Variants in PCDHGA9 observed in about 807,000 individuals in gnomAD.
PCDHGA9 encodes the protein protocadherin gamma-A9.
PCDHGA9 carries 37 observed loss-of-function variants against 62.5 expected under a neutral mutation model. The ratio of observed to expected loss-of-function variants is 0.59; its 90% CI spans 0.46 to 0.78. PCDHGA9 has a LOEUF of 0.78. Ranked by LOEUF, PCDHGA9 falls within the 30% of genes least tolerant of loss-of-function variation. PCDHGA9 has a pLI of 0.00. For missense variants in PCDHGA9, 1,138 were observed against 1,166.2 expected (o/e 0.98, Z 0.35); for synonymous variants, 459 against 484.6 (o/e 0.95, Z 0.69).
chr5:141,431,389 G>T lies in PCDHGA9; in HGVS notation c.2424+26013G>T, dbSNP rs1213370298. 1 of 1,613,876 alleles carries T rather than the reference G, an allele frequency of 6.2e-7. No homozygotes were observed. Among genetic ancestry groups the T allele is most frequent in the Admixed American group, 1.7e-5 (1 of 60,028 alleles). On this transcript the variant is annotated intron_variant, in intron 1 of 3. Transcript: ENST00000573521. This position sits in a 1 kb window ranked among gnomAD's most constrained non-coding sequence, Gnocchi z 4.8. ...GCGAAGAAAAGGCTGCTCACCACCT[G>T]GTCCTTACGGCCTCCGACGGGGGCG...
rs138408376 is a variant in PCDHGA9 at position 141,421,859 on chromosome 5, T to C, written c.2424+16483T>C. The stretch of plus-strand genomic sequence containing the variant: ...CGAGAGAAAGAGGCTGCTCACCTGC[T>C]CCTCCTCACAGCTTTAGATGGAGGC... On this transcript the variant is annotated intron_variant, in intron 1 of 3. Coordinates refer to ENST00000573521, the MANE Select transcript of PCDHGA9 (RefSeq NM_018921.3). The C allele has an allele frequency of 1.7e-3, 2,741 of 1,613,710 alleles. 8 individuals carry two copies. Among genetic ancestry groups the C allele is most frequent in the Middle Eastern group, 8.1e-3 (49 of 6,062 alleles).
chr5:141,423,138 C>A (rs767107885), intron 1 of PCDHGA9: 3 of 1,613,606 alleles, frequency 1.9e-6, no homozygotes, highest in Non-Finnish European at 2.5e-6. Context: ...TGGACAGAGA[C>A]GCGCTCAAGC....
At chr5:141,419,464 C>T (rs199965876) in intron 1 of PCDHGA9, 35 of 1,612,542 alleles carry the variant, frequency 2.2e-5, no homozygotes, top group Middle Eastern at 1.7e-4. Context: ...TGCAGGCCCG[C>T]GACCAGGGCT....
chr5:141,506,935 G>A (rs1375246477), intron 3 of PCDHGA9, among the ~76,000 whole-genome samples: 3 of 152,116 alleles, frequency 2.0e-5, no homozygotes, highest in African/African-American at 7.2e-5. Context: ...AACTTTAGGG[G>A]CCTCCTGTCA....
intron 1 of PCDHGA9, chr5:141,414,732 T>G: frequency 6.2e-7 from 1 of 1,614,186 alleles, no homozygotes; most frequent in Non-Finnish European, 8.5e-7. Context: ...GCGTCCTGTA[T>G]GCACTCAGAT....
chr5:141,487,933 A>ACCCTGTG lies in PCDHGA9; in HGVS notation c.2425-6873_2425-6872insCCTGTGC. 1.6e-6 allele frequency: 1 copy of ACCCTGTG among 612,004 alleles called. No individual in the cohort carries two copies. The highest frequency in any genetic ancestry group is 1.8e-5 in the African/African-American group (1 of 54,216). The allele number at this position is 612,004 out of a possible 1,614,324, so 37.9% of individuals were successfully genotyped here. On this transcript the variant is annotated intron_variant, in intron 1 of 3. Coordinates refer to ENST00000573521, the MANE Select transcript of PCDHGA9 (RefSeq NM_018921.3). The surrounding 1 kb of genome is among the most constrained non-coding windows in gnomAD (Gnocchi z 5.0). ...CACAGGAGGCTACAGTGCACAGGGT[A>ACCCTGTG]CAGTGCACCAGGCAGTCACTTGGAC... is the stretch of plus-strand genomic sequence containing the variant.
intron 1 of PCDHGA9, among the ~76,000 whole-genome samples, chr5:141,461,604 T>G (rs1166575574): frequency 6.6e-6 from 1 of 152,228 alleles, no homozygotes; most frequent in Non-Finnish European, 1.5e-5. Context: ...TATAATTTAG[T>G]TCAAAGTATT....
At chr5:141,473,212 C>G (rs1311953997) in intron 1 of PCDHGA9, among the ~76,000 whole-genome samples, 1 of 152,012 alleles carries the variant, frequency 6.6e-6, no homozygotes, top group Non-Finnish European at 1.5e-5. Flanking sequence ...AAAATGCTTA[C>G]TTCCAGGGAG....
intron 1 of PCDHGA9, chr5:141,412,671 A>T (rs1335241581): frequency 6.6e-6 from 1 of 152,290 alleles, no homozygotes; most frequent in Non-Finnish European, 1.5e-5. Flanking sequence ...AATATGACCT[A>T]AAATAAGTAT....
intron 1 of PCDHGA9, chr5:141,418,063 G>C (rs2015825): frequency 1.9e-6 from 3 of 1,613,754 alleles, no homozygotes; most frequent in Admixed American, 1.7e-5. Flanking sequence ...AGCTGCGAGT[G>C]AGCGCGGAGA....
chr5:141,433,223 T>C lies in PCDHGA9; in HGVS notation c.2424+27847T>C, dbSNP rs2097577369. On this transcript the variant is annotated intron_variant, in intron 1 of 3. Coordinates refer to ENST00000573521, the MANE Select transcript of PCDHGA9 (RefSeq NM_018921.3). The stretch of plus-strand genomic sequence containing the variant: ...AATCTTCTTTCTTTTTTTTTTTTAA[T>C]TGCTCTGTCTCCCAAGCTGGAATGC... The C allele has an allele frequency of 4.6e-6, 7 of 1,525,952 alleles. No individual in the cohort carries two copies. In the East Asian group the frequency reaches 1.6e-4, roughly 34 times the overall value. The allele number at this position is 1,525,952 out of a possible 1,614,324, so 94.5% of individuals were successfully genotyped here. A position where few individuals can be genotyped will look rare whatever the true frequency, so the allele number is the denominator to read the frequency against.
chr5:141,474,499 C>T (rs1480109147), intron 1 of PCDHGA9, among the ~76,000 whole-genome samples: 1 of 152,198 alleles, frequency 6.6e-6, no homozygotes, highest in Non-Finnish European at 1.5e-5. Context: ...TCTTCTAATG[C>T]CTATCAGCCC....
At position 141,489,503 on chromosome 5, in the gene PCDHGA9, A is replaced by T; in HGVS notation, c.2425-5304A>T. 1 of 1,614,092 alleles carries T rather than the reference A, an allele frequency of 6.2e-7. No homozygotes were observed. ...ATGAGTGGTGCCCTGGCAGTGAATC[A>T]AAAGATTGACCGAGAAAGCCTATGT... is the stretch of plus-strand genomic sequence containing the variant. On this transcript the variant is annotated intron_variant, in intron 1 of 3. Transcript: ENST00000573521. The surrounding 1 kb of genome is among the most constrained non-coding windows in gnomAD (Gnocchi z 4.5).
rs986276637 is a variant in PCDHGA9, at chr5:141,487,728, C to A, written c.2425-7079C>A. The A allele has an allele frequency of 3.2e-6, 5 of 1,570,444 alleles. No individual in the cohort carries two copies. The highest frequency in any genetic ancestry group is 2.3e-5 in the East Asian group (1 of 42,866). On this transcript the variant is annotated intron_variant, in intron 1 of 3. Transcript: ENST00000573521. The surrounding 1 kb of genome is among the most constrained non-coding windows in gnomAD (Gnocchi z 5.0). ...TCAGTAAGTGCCCATAGTGATGTCACCATTTTTGTAAGAGGTAACTATGTG... is the reference window on the plus strand; with the variant it reads ...TCAGTAAGTGCCCATAGTGATGTCAACATTTTTGTAAGAGGTAACTATGTG...
chr5:141,449,930 A>G (rs1353778264), intron 1 of PCDHGA9, among the ~76,000 whole-genome samples: 1 of 151,614 alleles, frequency 6.6e-6, no homozygotes, highest in East Asian at 1.9e-4. Context: ...ACCATACCTT[A>G]TAGTATATTT....
rs767577725 is a variant in PCDHGA9, at chr5:141,485,642, G to C, written c.2425-9165G>C. On this transcript the variant is annotated intron_variant, in intron 1 of 3. Transcript: ENST00000573521. This position sits in a 1 kb window ranked among gnomAD's most constrained non-coding sequence, Gnocchi z 5.7. ...AGGACAGCGTTTCCCGTTGGAAAAGGCTCAGGATGCAGATGTGGGGAGCAA... is the reference window on the plus strand; with the variant it reads ...AGGACAGCGTTTCCCGTTGGAAAAGCCTCAGGATGCAGATGTGGGGAGCAA... 2 of 1,612,044 alleles carry C rather than the reference G, an allele frequency of 1.2e-6. No individual in the cohort carries two copies. The highest frequency in any genetic ancestry group is 8.5e-7 in the Non-Finnish European group (1 of 1,178,592).
In PCDHGA9 at chr5:141,403,406, T is replaced by A; in HGVS notation, c.454T>A (p.Tyr152Asn). The change falls in exon 1 of 4, where the codon TAT (tyrosine) becomes AAT (asparagine). Residue 152 changes from tyrosine (Y) to asparagine (N), a missense_variant. Transcript: ENST00000573521. The part of the protein sequence containing the change: ...INEIAVPGAR[Y>N]PLPEAIDPDV... ...CGAAATCGCGGTTCCTGGAGCACGTTATCCACTTCCAGAAGCTATTGATCC... is the reference window on the plus strand; with the variant it reads ...CGAAATCGCGGTTCCTGGAGCACGTAATCCACTTCCAGAAGCTATTGATCC... The A allele has an allele frequency of 6.2e-7, 1 of 1,614,058 alleles. No homozygotes were observed. Among genetic ancestry groups the A allele is most frequent in the South Asian group, 1.1e-5 (1 of 91,092 alleles).
intron 1 of PCDHGA9, chr5:141,422,945 C>T (rs13188215): frequency 6.2e-7 from 1 of 1,614,134 alleles, no homozygotes; most frequent in Non-Finnish European, 8.5e-7. Context: ...ACAGACGGCT[C>T]CACTGGCGTG....
rs994324285 is a variant in PCDHGA9 at position 141,455,094 on chromosome 5, G to A, written c.2425-39713G>A. Among the ~76,000 whole-genome samples the A allele has an allele frequency of 3.3e-5, 5 of 152,104 alleles. No individual in the cohort carries two copies. In the Middle Eastern group the frequency reaches 0.014, roughly 414 times the overall value. ...CCCAAAGTGCTGGGATTACAGGCTT[G>A]AGCCACTGCGCCCGGTGGGTCTAAT... On this transcript the variant is annotated intron_variant, in intron 1 of 3. Coordinates refer to ENST00000573521, the MANE Select transcript of PCDHGA9 (RefSeq NM_018921.3).
Sources: allele counts gnomAD v4.1 joint callset (sites outside exome capture counted in the v4.1 genomes callset), GRCh38; gene constraint gnomAD v4.1.1; non-coding constraint Gnocchi (gnomAD v3.1); transcripts MANE v1.5; gene names NCBI Gene and HGNC (gene_info 2026-07-23, HGNC 2026-07-21).